Variants in IQSEC1 observed in about 807,000 individuals in gnomAD.
IQSEC1 encodes the protein IQ motif and Sec7 domain ArfGEF 1.
IQSEC1 carries 31 observed loss-of-function variants against 91.0 expected under a neutral mutation model. That is an observed-to-expected ratio of 0.34 (90% CI 0.26 to 0.46). The LOEUF (loss-of-function observed/expected upper bound fraction) is 0.46. IQSEC1 is among the 20% of genes least tolerant of loss of function. IQSEC1 has a pLI of 1.00. For missense variants in IQSEC1, 1,388 were observed against 1,575.6 expected (o/e 0.88, Z 2.02); for synonymous variants, 699 against 662.6 (o/e 1.05, Z -0.84).
intron 2 of IQSEC1, among the ~76,000 whole-genome samples, chr3:13,125,789 G>A (rs1050169888): frequency 2.6e-5 from 4 of 152,148 alleles, no homozygotes; most frequent in Admixed American, 2.6e-4. Flanking sequence ...CTATGCCCTG[G>A]CCAGGAAAAA....
At chr3:13,151,087 G>A (rs1706990533) in intron 2 of IQSEC1, among the ~76,000 whole-genome samples, 1 of 152,200 alleles carries the variant, frequency 6.6e-6, no homozygotes, top group Non-Finnish European at 1.5e-5. Context: ...GTCTCTGTGA[G>A]GAAATATCTC....
chr3:12,922,213 G>T lies in IQSEC1; in HGVS notation c.1760C>A (p.Thr587Asn), dbSNP rs1208275232. Reference sequence around the variant, plus strand: ...CCTGAGGGCCTCATCCAGCTCCATGGTAGAGAAGTCCATCTCGTCCACGAC... The same window carrying T: ...CCTGAGGGCCTCATCCAGCTCCATGTTAGAGAAGTCCATCTCGTCCACGAC... ...DCVVDEMDFS[T>N]MELDEALRKF... The change falls in exon 5 of 14, where the codon ACC becomes AAC. Residue 587 changes from threonine to asparagine, a missense_variant. Physicochemically the swap from Thr to Asn is moderately conservative, Grantham distance 65. Transcript: ENST00000613206. This position sits in a 1 kb window ranked among gnomAD's most constrained non-coding sequence, Gnocchi z 5.1. 6 of 1,604,392 alleles carry T rather than the reference G, an allele frequency of 3.7e-6. No individual in the cohort carries two copies. In the South Asian group the frequency reaches 6.6e-5, roughly 18 times the overall value.
At chr3:13,078,353 T>C, upstream of IQSEC1, among the ~76,000 whole-genome samples, 1 of 152,094 alleles carries the variant, frequency 6.6e-6, no homozygotes, top group East Asian at 1.9e-4. Flanking sequence ...CAGGACAGGA[T>C]GGAGCAGCCA....
intron 1 of IQSEC1, among the ~76,000 whole-genome samples, chr3:13,200,447 C>A (rs913032188): frequency 6.6e-6 from 1 of 152,202 alleles, no homozygotes; most frequent in African/African-American, 2.4e-5. Flanking sequence ...CTCAGACTTT[C>A]TAGATCAGAA....
chr3:12,902,108 ACAAAC>A (rs1575833765), intron 13 of IQSEC1, among the ~76,000 whole-genome samples: 4 of 152,024 alleles, frequency 2.6e-5, no homozygotes, highest in Non-Finnish European at 5.9e-5. Flanking sequence ...GCTGCCTACT[ACAAAC>A]CAAACAAGGA....
intron 1 of IQSEC1, among the ~76,000 whole-genome samples, chr3:13,179,532 C>T (rs1002764772): frequency 6.6e-6 from 1 of 152,274 alleles, no homozygotes; most frequent in African/African-American, 2.4e-5. Flanking sequence ...CAAGGAGACA[C>T]AACAATCCTA....
chr3:12,999,723 A>G (rs1044157619), intron 1 of IQSEC1, among the ~76,000 whole-genome samples: 3 of 152,198 alleles, frequency 2.0e-5, no homozygotes, highest in African/African-American at 7.2e-5. Flanking sequence ...GCAGTTCACC[A>G]TCGGTCATTA....
At chr3:13,123,661 C>A (rs79694630) in intron 2 of IQSEC1, among the ~76,000 whole-genome samples, 1,557 of 152,366 alleles carry the variant, frequency 0.01, 26 homozygotes, top group African/African-American at 0.034. Flanking sequence ...CCTGAGTTTG[C>A]ACCCCTTGAT....
intron 2 of IQSEC1, among the ~76,000 whole-genome samples, chr3:13,090,906 A>T (rs2125139398): frequency 6.6e-6 from 1 of 152,280 alleles, no homozygotes; most frequent in South Asian, 2.1e-4. Flanking sequence ...AGTTCCCTTG[A>T]CCAAAAGCCC....
chr3:12,979,415 G>C lies in IQSEC1; in HGVS notation c.24-37550C>G, dbSNP rs1701346000. Among the ~76,000 whole-genome samples the C allele has an allele frequency of 6.6e-6, 1 of 152,184 alleles. No homozygotes were observed. The highest frequency in any genetic ancestry group is 1.5e-5 in the Non-Finnish European group (1 of 68,042). On this transcript the variant is annotated intron_variant, in intron 1 of 13. Coordinates refer to ENST00000613206, the MANE Select transcript of IQSEC1 (RefSeq NM_001134382.3). The surrounding 1 kb of genome is among the most constrained non-coding windows in gnomAD (Gnocchi z 4.3). ...CTTTTTATATCCTGATAGGGACTGA[G>C]ATACAAGACATAGTGCTACATGAAA...
intron 1 of IQSEC1, among the ~76,000 whole-genome samples, chr3:13,233,486 G>C (rs562830566): frequency 6.6e-6 from 1 of 152,202 alleles, no homozygotes; most frequent in African/African-American, 2.4e-5. Context: ...ACTCACCTGG[G>C]AGCCTCCTGT....
chr3:12,953,066 T>C (rs1156296562), intron 1 of IQSEC1, among the ~76,000 whole-genome samples: 1 of 152,204 alleles, frequency 6.6e-6, no homozygotes, highest in Non-Finnish European at 1.5e-5. Context: ...TGATAGGGCC[T>C]GATCCTTCAT....
intron 1 of IQSEC1, among the ~76,000 whole-genome samples, chr3:13,039,808 C>T (rs535352753): frequency 6.6e-6 from 1 of 152,340 alleles, no homozygotes; most frequent in African/African-American, 2.4e-5. Flanking sequence ...GATGACTGCC[C>T]CCAGCCCTCA....
chr3:12,929,349 C>T (rs572069658), intron 3 of IQSEC1, among the ~76,000 whole-genome samples: 22 of 152,264 alleles, frequency 1.4e-4, no homozygotes, highest in African/African-American at 3.6e-4. Context: ...AAAGCTGGGA[C>T]GGCATCGACT....
rs1700679786 is a variant in IQSEC1 at position 12,967,706 on chromosome 3, G to A, written c.24-25841C>T. The A allele has an allele frequency of 8.9e-7, 1 of 1,129,914 alleles. No individual in the cohort carries two copies. The highest frequency in any genetic ancestry group is 4.9e-5 in the Admixed American group (1 of 20,228). 70.0% of individuals were successfully genotyped at this position (1,129,914 alleles called of 1,614,324 possible). A position where few individuals can be genotyped will look rare whatever the true frequency, so the allele number is the denominator to read the frequency against. On this transcript the variant is annotated intron_variant, in intron 1 of 13. Transcript: ENST00000613206. This position sits in a 1 kb window ranked among gnomAD's most constrained non-coding sequence, Gnocchi z 5.9. ...GCCCGCTTGGCGCAGCGCGAGGCCG[G>A]GCCGGAGGAATGTGGCCCTGAAGTG... is the stretch of plus-strand genomic sequence containing the variant.
intron 1 of IQSEC1, among the ~76,000 whole-genome samples, chr3:12,985,986 G>C (rs914466360): frequency 3.3e-5 from 5 of 152,188 alleles, no homozygotes; most frequent in Non-Finnish European, 7.3e-5. Context: ...TGAAAGCTAG[G>C]GTTGACTGAG....
chr3:12,899,448 C>T lies in IQSEC1; in HGVS notation c.*1535G>A, dbSNP rs771715339. 2.5e-6 allele frequency: 4 copies of T among 1,607,376 alleles called. No homozygotes were observed. Among genetic ancestry groups the T allele is most frequent in the Non-Finnish European group, 3.4e-6 (4 of 1,177,592 alleles). ...GAAAGGCTGAAACTACAAAGTATGGCCCGTGGGTGACTCGGGCACAGACCT... is the reference window on the plus strand; with the variant it reads ...GAAAGGCTGAAACTACAAAGTATGGTCCGTGGGTGACTCGGGCACAGACCT... On this transcript the variant is annotated 3_prime_UTR_variant, in exon 14 of 14. Coordinates refer to ENST00000613206, the MANE Select transcript of IQSEC1 (RefSeq NM_001134382.3).
chr3:13,048,726 G>T (rs1264607969), intron 1 of IQSEC1, among the ~76,000 whole-genome samples: 4 of 152,212 alleles, frequency 2.6e-5, no homozygotes, highest in Non-Finnish European at 5.9e-5. Context: ...TTCCTGTCTA[G>T]CTGCCATTGT....
At chr3:12,947,168 T>C (rs1414309272) in intron 1 of IQSEC1, among the ~76,000 whole-genome samples, 2 of 152,252 alleles carry the variant, frequency 1.3e-5, no homozygotes, top group African/African-American at 4.8e-5. Flanking sequence ...TCTGACAGGC[T>C]GACAAGCCGA....
Sources: allele counts gnomAD v4.1 joint callset (sites outside exome capture counted in the v4.1 genomes callset), GRCh38; gene constraint gnomAD v4.1.1; non-coding constraint Gnocchi (gnomAD v3.1); transcripts MANE v1.5; gene names NCBI Gene and HGNC (gene_info 2026-07-23, HGNC 2026-07-21).